The following USP36 variants were observed in gnomAD, a reference collection of about 807,000 sequenced individuals.
USP36 encodes ubiquitin specific peptidase 36.
In USP36, 59 loss-of-function variants were observed where a neutral mutation model predicts 111.5. That is an observed-to-expected ratio of 0.53 (90% CI 0.43 to 0.66). USP36 has a LOEUF of 0.66. Ranked by LOEUF, USP36 falls within the 30% of genes least tolerant of loss-of-function variation. The pLI, the probability that USP36 is intolerant of heterozygous loss-of-function variation, is 0.00. For missense variants in USP36, 1,488 were observed against 1,468.0 expected, an observed-to-expected ratio of 1.01 and a Z score of -0.22; for synonymous variants, 628 against 581.0, an observed-to-expected ratio of 1.08 and a Z score of -1.16.
rs2093776653 is a variant in USP36, at chr17:78,802,429, C to T, written c.2917G>A (p.Gly973Arg). ...GCACTCCTTGGGCATTTGAGATGCCCATCCTCTTCTACTGCCCGCTGTGTC... is the reference window on the plus strand; with the variant it reads ...GCACTCCTTGGGCATTTGAGATGCCTATCCTCTTCTACTGCCCGCTGTGTC... ...QETQRAVEED[G>R]HLKCPRSAKP... The change falls in exon 17 of 21, where the codon GGG becomes AGG. Residue 973 changes from glycine (G) to arginine (R), a missense_variant. Gly to Arg is a moderately radical substitution (Grantham distance 125). This residue lies in a region of USP36 where 1,073 missense variants were observed against 994.1 expected (regional missense o/e 1.08). Coordinates refer to ENST00000449938, the MANE Select transcript of USP36 (RefSeq NM_001385174.1). 1.2e-6 allele frequency: 2 copies of T among 1,612,724 alleles called. No individual in the cohort carries two copies. Among genetic ancestry groups the T allele is most frequent in the Non-Finnish European group, 8.5e-7 (1 of 1,179,808 alleles).
In USP36 at chr17:78,840,182, C is replaced by T. The variant is rs150645043; in HGVS notation, c.-174+554G>A. Reference sequence around the variant, plus strand: ...TTACGTAAACGGGGGCGCGCGGAGTCTCCCCTCTCGTGTGTCTGGGTTTGG... The same window carrying T: ...TTACGTAAACGGGGGCGCGCGGAGTTTCCCCTCTCGTGTGTCTGGGTTTGG... On this transcript the variant is annotated intron_variant, in intron 1 of 20. Transcript: ENST00000449938. Among the ~76,000 whole-genome samples the T allele has an allele frequency of 8.5e-3, 1,287 of 152,240 alleles. 25 individuals are homozygous for T. The highest frequency in any genetic ancestry group is 0.029 in the African/African-American group (1,198 of 41,550).
intron 13 of USP36, among the ~76,000 whole-genome samples, chr17:78,807,874 C>T (rs7211645): frequency 0.23 from 34,328 of 152,074 alleles, 4,143 homozygotes; most frequent in African/African-American, 0.32. Flanking sequence ...TGGCTAATTT[C>T]TGTATTTTTG....
intron 4 of USP36, among the ~76,000 whole-genome samples, chr17:78,829,566 T>G (rs1414199190): frequency 6.6e-6 from 1 of 152,202 alleles, no homozygotes; most frequent in Non-Finnish European, 1.5e-5. Context: ...ATCTGAGGGC[T>G]ATACAGTCTA....
intron 6 of USP36, among the ~76,000 whole-genome samples, chr17:78,823,534 G>A (rs986112235): frequency 6.6e-6 from 1 of 152,222 alleles, no homozygotes; most frequent in Non-Finnish European, 1.5e-5. Flanking sequence ...GGGCAGTAGA[G>A]AACAGCTGGG....
Position 78,807,043 on chromosome 17 carries a change from G to T in USP36, c.2001C>A (p.Ser667=). Residue 667 remains serine (S), a synonymous_variant, in exon 14 of 21, where the codon TCC becomes TCA. Transcript: ENST00000449938. Reference sequence around the variant, plus strand: ...CAGTGGTGGTGTTGCTCAGGACAGGGGACTTCAGCTTCACCGTCTTAGAAT... The same window carrying T: ...CAGTGGTGGTGTTGCTCAGGACAGGTGACTTCAGCTTCACCGTCTTAGAAT... The part of the protein sequence containing the change: ...GADSKTVKLK[S]PVLSNTTTEP... 2.5e-6 allele frequency: 4 copies of T among 1,614,218 alleles called. No individual in the cohort carries two copies. The highest frequency in any genetic ancestry group is 3.4e-6 in the Non-Finnish European group (4 of 1,180,048).
chr17:78,801,436 A>T (rs890664567), intron 17 of USP36, among the ~76,000 whole-genome samples: 2 of 152,342 alleles, frequency 1.3e-5, no homozygotes, highest in South Asian at 4.1e-4. Context: ...GCTGACCCCC[A>T]GATGCACTGC....
intron 10 of USP36, among the ~76,000 whole-genome samples, chr17:78,817,128 C>T (rs2094207580): frequency 6.6e-6 from 1 of 152,158 alleles, no homozygotes; most frequent in Admixed American, 6.5e-5. Flanking sequence ...GTTGCAACTG[C>T]CTACAGTATT....
intron 10 of USP36, among the ~76,000 whole-genome samples, chr17:78,815,364 A>G (rs2145276294): frequency 6.6e-6 from 1 of 152,258 alleles, no homozygotes; most frequent in East Asian, 1.9e-4. Flanking sequence ...AAGAAAAAAC[A>G]CCAAGATGCT....
At chr17:78,809,982 G>C (rs2094009184) in intron 13 of USP36, among the ~76,000 whole-genome samples, 1 of 151,548 alleles carries the variant, frequency 6.6e-6, no homozygotes, top group Admixed American at 6.6e-5. Context: ...GAATAGCTGG[G>C]ATTACAGGCG....
chr17:78,803,276 C>G lies in USP36; in HGVS notation c.2810+109G>C. 2 of 1,254,114 alleles carry G rather than the reference C, an allele frequency of 1.6e-6. No individual in the cohort carries two copies. The highest frequency in any genetic ancestry group is 2.2e-6 in the Non-Finnish European group (2 of 901,182). The allele number at this position is 1,254,114 out of a possible 1,614,324, so 77.7% of individuals were successfully genotyped here. On this transcript the variant is annotated intron_variant, in intron 16 of 20. Transcript: ENST00000449938. This position sits in a 1 kb window ranked among gnomAD's most constrained non-coding sequence, Gnocchi z 4.6. ...ATCACAAATCCACATTTTAGAAAAC[C>G]ACGCAAGCAGACTACGTTTCCAGAC... is the stretch of plus-strand genomic sequence containing the variant.
intron 6 of USP36, among the ~76,000 whole-genome samples, chr17:78,825,718 G>C (rs900093650): frequency 6.6e-6 from 1 of 152,068 alleles, no homozygotes; most frequent in African/African-American, 2.4e-5. Flanking sequence ...GAAGCCCAGG[G>C]GTCAGTTTCT....
chr17:78,840,184 C>G (rs2069129603), intron 1 of USP36, among the ~76,000 whole-genome samples: 1 of 152,170 alleles, frequency 6.6e-6, no homozygotes, highest in African/African-American at 2.4e-5. Flanking sequence ...CGCGGAGTCT[C>G]CCCTCTCGTG....
chr17:78,824,302 G>C (rs562585993), intron 6 of USP36, among the ~76,000 whole-genome samples: 116 of 152,324 alleles, frequency 7.6e-4, no homozygotes, highest in African/African-American at 2.6e-3. Flanking sequence ...AGAGAGAGGA[G>C]AGGAAAAGAG....
chr17:78,839,594 T>C (rs2069049887), intron 1 of USP36, among the ~76,000 whole-genome samples: 1 of 152,206 alleles, frequency 6.6e-6, no homozygotes, highest in South Asian at 2.1e-4. Context: ...TTGGGAGATG[T>C]AACCCAGTTT....
chr17:78,789,371 G>C (rs2093563588), intron 3 of USP36, among the ~76,000 whole-genome samples: 1 of 151,976 alleles, frequency 6.6e-6, no homozygotes, highest in Non-Finnish European at 1.5e-5. Context: ...AGAAGGAGTA[G>C]GCTGAACAGT....
chr17:78,814,668 G>A, intron 10 of USP36, 116 bp from the exon 11 acceptor site: 1 of 1,324,148 alleles, frequency 7.6e-7, no homozygotes, highest in Non-Finnish European at 1.0e-6. Context: ...TTAACAATTT[G>A]GGGGCCGGGC....
chr17:78,827,218 T>A (rs764702182), intron 6 of USP36, 27 bp downstream of exon 6: 1 of 808,472 alleles, frequency 1.2e-6, no homozygotes, highest in Admixed American at 9.5e-5. Flanking sequence ...TCCAAAGCCC[T>A]GGGAGGGTGG....
chr17:78,803,652 TTCTTCC>T lies in USP36; in HGVS notation c.2537_2542del (p.Arg846_Lys847del), dbSNP rs751922768. 7.0e-5 allele frequency: 113 copies of T among 1,609,980 alleles called. No homozygotes were observed. Among genetic ancestry groups the T allele is most frequent in the African/African-American group, 3.3e-4 (25 of 74,904 alleles). The stretch of plus-strand genomic sequence containing the variant: ...AGCTGTGTCCTCCGGGCGCTTCTTC[TTCTTCC>T]TCTTCCTCTTCCCGTGGGGAGCCGC... On this transcript the variant is annotated inframe_deletion, in exon 16 of 21. Transcript: ENST00000449938. This position sits in a 1 kb window ranked among gnomAD's most constrained non-coding sequence, Gnocchi z 4.6.
intron 7 of USP36, 37 bp downstream of exon 7, chr17:78,821,900 C>T: frequency 6.2e-7 from 1 of 1,611,580 alleles, no homozygotes; most frequent in South Asian, 1.1e-5. Flanking sequence ...ATGTTCTAAT[C>T]CTGGCAAGAA....
Sources: gnomAD v4.1 joint callset for allele counts (sites outside exome capture counted in the v4.1 genomes callset) on GRCh38, gnomAD v4.1.1 for gene constraint, gnomAD v4.1.1 regional missense constraint, Gnocchi (gnomAD v3.1) non-coding constraint, MANE v1.5 for transcripts, NCBI Gene and HGNC (gene_info 2026-07-23, HGNC 2026-07-21) for gene names.